Variants in DGKB observed in about 807,000 individuals in gnomAD.
DGKB encodes 90 kDa diacylglycerol kinase.
A neutral mutation model predicts 114.3 loss-of-function variants in DGKB; 67 were observed. The observed-to-expected ratio is 0.59, with a 90% CI of 0.48 to 0.72. The LOEUF (loss-of-function observed/expected upper bound fraction) is 0.72, where lower values mean the gene tolerates loss of function less well. DGKB is among the 30% of genes least tolerant of loss of function. DGKB has a pLI of 0.00. For missense variants in DGKB, 907 were observed against 975.2 expected (o/e 0.93, Z 0.93); for synonymous variants, 398 against 323.1 (o/e 1.23, Z -2.49).
chr7:14,870,320 G>A (rs545507472), intron 1 of DGKB, among the ~76,000 whole-genome samples: 5 of 152,256 alleles, frequency 3.3e-5, no homozygotes, highest in Admixed American at 6.5e-5. Flanking sequence ...TTGAATAAAT[G>A]AGTAAAATGA....
At chr7:14,314,622 C>G (rs1460708285) in intron 23 of DGKB, among the ~76,000 whole-genome samples, 1 of 152,026 alleles carries the variant, frequency 6.6e-6, no homozygotes, top group East Asian at 1.9e-4. Flanking sequence ...CCAAGAACTA[C>G]GGGACTATGT....
At chr7:14,591,188 A>G (rs1220719796) in intron 17 of DGKB, among the ~76,000 whole-genome samples, 3 of 152,104 alleles carry the variant, frequency 2.0e-5, no homozygotes, top group African/African-American at 7.2e-5. Context: ...TCATCCTTCC[A>G]ATGGGGAGAA....
intron 1 of DGKB, among the ~76,000 whole-genome samples, chr7:14,867,708 G>T (rs142996243): frequency 6.6e-6 from 1 of 151,832 alleles, no homozygotes; most frequent in Non-Finnish European, 1.5e-5. Context: ...TTAATATATC[G>T]TAAAACTAAT....
intron 15 of DGKB, among the ~76,000 whole-genome samples, chr7:14,614,405 T>G (rs62445608): frequency 0.016 from 2,467 of 152,208 alleles, 30 homozygotes; most frequent in South Asian, 0.023. Flanking sequence ...AAAAATTTAA[T>G]AACAAAAGTA....
intron 20 of DGKB, among the ~76,000 whole-genome samples, chr7:14,563,643 G>GTTTT (rs66549760): frequency 2.4e-5 from 3 of 125,732 alleles, no homozygotes; most frequent in African/African-American, 9.0e-5. Context: ...ATACAACTCT[G>GTTTT]TTTTTTTTTT....
At chr7:14,313,427 G>A (rs941014306) in intron 23 of DGKB, among the ~76,000 whole-genome samples, 4 of 152,116 alleles carry the variant, frequency 2.6e-5, no homozygotes, top group Non-Finnish European at 5.9e-5. Flanking sequence ...CACAGTGCGC[G>A]AGCCGAAGCA....
At chr7:14,356,349 G>GTTTT (rs1563003277) in intron 21 of DGKB, among the ~76,000 whole-genome samples, 2 of 109,322 alleles carry the variant, frequency 1.8e-5, no homozygotes, top group Admixed American at 1.0e-4. Flanking sequence ...TGCTTCTCTA[G>GTTTT]TTCTTTTTTT....
chr7:14,790,560 A>G lies in DGKB; in HGVS notation c.71-32829T>C, dbSNP rs957134207. 5.9e-5 allele frequency among the ~76,000 whole-genome samples: 9 copies of G among 152,210 alleles called. No homozygotes were observed. The East Asian group carries it at 1.5e-3, about 26-fold the overall frequency. On this transcript the variant is annotated intron_variant, in intron 2 of 25. Coordinates refer to ENST00000402815, the MANE Select transcript of DGKB (RefSeq NM_001350709.2). Reference sequence around the variant, plus strand: ...TTCAATTACTCAAGCACATTTGTTTAAAAGGGCATCTTTCTAATATTGAGC... The same window carrying G: ...TTCAATTACTCAAGCACATTTGTTTGAAAGGGCATCTTTCTAATATTGAGC...
intron 13 of DGKB, among the ~76,000 whole-genome samples, chr7:14,640,685 G>A (rs1019408587): frequency 2.6e-5 from 4 of 152,166 alleles, no homozygotes; most frequent in Non-Finnish European, 4.4e-5. Flanking sequence ...TTACAAAATT[G>A]ATGTGTGGAC....
At chr7:14,938,573 T>C (rs1785392420) in intron 1 of DGKB, among the ~76,000 whole-genome samples, 1 of 152,078 alleles carries the variant, frequency 6.6e-6, no homozygotes, top group African/African-American at 2.4e-5. Flanking sequence ...AAATCACTAT[T>C]CAAAATCTAA....
intron 21 of DGKB, among the ~76,000 whole-genome samples, chr7:14,463,196 A>C (rs920921206): frequency 1.1e-4 from 17 of 152,122 alleles, no homozygotes; most frequent in African/African-American, 4.1e-4. Flanking sequence ...GAACAATGAG[A>C]AGACATGGAA....
intron 20 of DGKB, among the ~76,000 whole-genome samples, chr7:14,538,650 G>C (rs1792932619): frequency 6.6e-6 from 1 of 152,040 alleles, no homozygotes; most frequent in Non-Finnish European, 1.5e-5. Flanking sequence ...TGAAATAATG[G>C]AAATCAGAAT....
At chr7:14,691,468 C>G (rs572134873) in intron 9 of DGKB, among the ~76,000 whole-genome samples, 1 of 152,208 alleles carries the variant, frequency 6.6e-6, no homozygotes, top group East Asian at 1.9e-4. Context: ...TAATGTAACA[C>G]ATTAACTGCC....
At chr7:14,392,995 G>GTTTTTGTTTTTTGTTTTTTTTTTTTTT in intron 21 of DGKB, among the ~76,000 whole-genome samples, 3 of 60,546 alleles carry the variant, frequency 5.0e-5, no homozygotes, top group African/African-American at 1.5e-4. Context: ...TTTTGTTTTT[G>GTTTTTGTTTTTTGTTTTTTTTTTTTTT]TTTTTTTTTT....
intron 20 of DGKB, among the ~76,000 whole-genome samples, chr7:14,527,773 G>A (rs1166187282): frequency 6.6e-6 from 1 of 151,986 alleles, no homozygotes; most frequent in Middle Eastern, 3.2e-3. Context: ...ACATATTTTA[G>A]TAGGAAAATA....
intron 23 of DGKB, among the ~76,000 whole-genome samples, chr7:14,220,363 A>G (rs1466622405): frequency 2.0e-5 from 3 of 151,492 alleles, no homozygotes; most frequent in Non-Finnish European, 4.4e-5. Flanking sequence ...TTGTCTCAGC[A>G]TTTTTTGTTG....
chr7:14,628,047 A>G lies in DGKB; in HGVS notation c.1167+2189T>C, dbSNP rs186616707. ...GTAAACCATACTGACTGTCATCCAC[A>G]GTAAACTGAAAGTAAGTACCAGGAG... On this transcript the variant is annotated intron_variant, in intron 14 of 25. Transcript: ENST00000402815. Among the ~76,000 whole-genome samples, 17 of 152,246 alleles carry G rather than the reference A, an allele frequency of 1.1e-4. No homozygotes were observed. In the East Asian group the frequency reaches 3.3e-3, roughly 29 times the overall value.
intron 21 of DGKB, among the ~76,000 whole-genome samples, chr7:14,424,100 G>A (rs1278475077): frequency 3.3e-5 from 5 of 151,850 alleles, no homozygotes; most frequent in Non-Finnish European, 5.9e-5. Context: ...TACTCTCTAC[G>A]TCTTCCATGC....
At chr7:14,835,555 A>G (rs1011531055) in intron 2 of DGKB, among the ~76,000 whole-genome samples, 5 of 152,176 alleles carry the variant, frequency 3.3e-5, no homozygotes, top group Non-Finnish European at 5.9e-5. Flanking sequence ...GGCTTCCCAA[A>G]ATAGAGCCAA....
Sources: gnomAD v4.1 joint callset for allele counts (sites outside exome capture counted in the v4.1 genomes callset) on GRCh38, gnomAD v4.1.1 for gene constraint, MANE v1.5 for transcripts, NCBI Gene and HGNC (gene_info 2026-07-23, HGNC 2026-07-21) for gene names.